RASSF9: variants seen among roughly 807,000 people sequenced by gnomAD.
RASSF9 encodes ras association domain-containing protein 9.
RASSF9 carries 18 observed loss-of-function variants against 21.4 expected under a neutral mutation model. The ratio of observed to expected loss-of-function variants is 0.84; its 90% CI spans 0.58 to 1.25. The LOEUF is 1.25. RASSF9 is among the 50% of genes most tolerant of loss of function. The pLI is 0.00. For synonymous variants in RASSF9, 183 were observed against 179.1 expected (o/e 1.02, Z -0.18); for missense variants, 480 against 503.2 (o/e 0.95, Z 0.44).
chr12:85,825,065 C>T (rs1436991121), intron 1 of RASSF9, among the ~76,000 whole-genome samples: 1 of 152,018 alleles, frequency 6.6e-6, no homozygotes, highest in East Asian at 1.9e-4. Flanking sequence ...TACAGTGGTG[C>T]GATCTCGGCT....
chr12:85,818,931 C>T (rs1041877057), intron 1 of RASSF9, among the ~76,000 whole-genome samples: 6 of 141,540 alleles, frequency 4.2e-5, no homozygotes, highest in African/African-American at 1.6e-4. Context: ...TATACTCCAG[C>T]CTGGGCGAGA....
rs1879729731 is a variant in RASSF9, at chr12:85,802,794, AAT to A, written c.*1906_*1907del. ...ATTTGATCCCCATTAGTGAACAATG[AAT>A]ATGTCAGTGGCTTATATTGTTGAAT... On this transcript the variant is annotated 3_prime_UTR_variant, in exon 2 of 2. Transcript: ENST00000361228. 1 of 152,206 alleles carries A rather than the reference AAT, an allele frequency of 6.6e-6. No individual in the cohort carries two copies. The highest frequency in any genetic ancestry group is 2.1e-4 in the South Asian group (1 of 4,830). The allele number at this position is 152,206 out of a possible 1,614,324, so 9.4% of individuals were successfully genotyped here.
Position 85,804,756 on chromosome 12 carries a change from G to T in RASSF9, c.1254C>A (p.Asn418Lys). 1 of 1,613,844 alleles carries T rather than the reference G, an allele frequency of 6.2e-7. No individual in the cohort carries two copies. Among genetic ancestry groups the T allele is most frequent in the Non-Finnish European group, 8.5e-7 (1 of 1,179,774 alleles). Residue 418 changes from asparagine to lysine, a missense_variant, in exon 2 of 2, where the codon AAC (asparagine) becomes AAA (lysine). Physicochemically the swap from Asn to Lys is moderately conservative, Grantham distance 94 (BLOSUM62 0). Coordinates refer to ENST00000361228, the MANE Select transcript of RASSF9 (RefSeq NM_005447.4). Reference protein sequence around the residue: ...DTDSDTGISSNHSQDSETTVG... With the variant: ...DTDSDTGISSKHSQDSETTVG... ...CTGTTGTTTCGGAGTCCTGACTGTG[G>T]TTAGAACTGATACCAGTGTCCGAGT... is the stretch of plus-strand genomic sequence containing the variant.
At chr12:85,826,620 TG>T (rs759931255) in intron 1 of RASSF9, among the ~76,000 whole-genome samples, 1 of 151,750 alleles carries the variant, frequency 6.6e-6, no homozygotes, top group Non-Finnish European at 1.5e-5. Flanking sequence ...GCTAATTTTT[TG>T]TATTTTTAGT....
chr12:85,833,306 T>G (rs1378698007), intron 1 of RASSF9, among the ~76,000 whole-genome samples: 1 of 151,912 alleles, frequency 6.6e-6, no homozygotes, highest in African/African-American at 2.4e-5. Flanking sequence ...ATAATTCAGT[T>G]TACAAAACTG....
chr12:85,834,179 T>C (rs1430604190), intron 1 of RASSF9, among the ~76,000 whole-genome samples: 1 of 152,022 alleles, frequency 6.6e-6, no homozygotes, highest in Non-Finnish European at 1.5e-5. Context: ...TGCTGTGGTT[T>C]AAATCTTTCT....
At chr12:85,824,700 A>AATGGC (rs1356630963) in intron 1 of RASSF9, among the ~76,000 whole-genome samples, 4 of 152,214 alleles carry the variant, frequency 2.6e-5, no homozygotes, top group Non-Finnish European at 5.9e-5. Context: ...ATTAATTAAT[A>AATGGC]TACACATTGA....
At chr12:85,825,026 G>A (rs1880300207) in intron 1 of RASSF9, among the ~76,000 whole-genome samples, 1 of 152,050 alleles carries the variant, frequency 6.6e-6, no homozygotes, top group South Asian at 2.1e-4. Context: ...ATTTATGAGA[G>A]GAAGTCTCAC....
intron 1 of RASSF9, among the ~76,000 whole-genome samples, chr12:85,833,994 TC>T (rs1880508172): frequency 6.6e-6 from 1 of 152,024 alleles, no homozygotes; most frequent in Admixed American, 6.6e-5. Context: ...GTAAACTTAA[TC>T]TTGCAAATAA....
chr12:85,816,330 G>T (rs1037350218), intron 1 of RASSF9, among the ~76,000 whole-genome samples: 1 of 151,462 alleles, frequency 6.6e-6, no homozygotes, highest in Non-Finnish European at 1.5e-5. Flanking sequence ...AAAAGCAATG[G>T]TTACTAATAT....
chr12:85,836,133 T>A lies in RASSF9; in HGVS notation c.47+22A>T, dbSNP rs1235934802. 3.2e-6 allele frequency: 5 copies of A among 1,551,068 alleles called. No homozygotes were observed. In the South Asian group the frequency reaches 6.0e-5, roughly 18 times the overall value. On this transcript the variant is annotated intron_variant, in intron 1 of 1. Transcript: ENST00000361228. ...CACACACACAGAGACACACACACAC[T>A]TACTCACACGCTTGACTTTACCTGT...
At position 85,834,532 on chromosome 12, in the gene RASSF9, C is replaced by T. The variant is rs535268717; in HGVS notation, c.47+1623G>A. Among the ~76,000 whole-genome samples the T allele has an allele frequency of 3.9e-5, 6 of 152,092 alleles. No individual in the cohort carries two copies. The South Asian group carries it at 8.3e-4, about 21-fold the overall frequency. ...CACTTCCCTGAGGGAAACTCAGGGG[C>T]GCATGCAAAGTTTTATTGCCCTGTA... On this transcript the variant is annotated intron_variant, in intron 1 of 1. Transcript: ENST00000361228.
chr12:85,818,940 G>T (rs1720448361), intron 1 of RASSF9, among the ~76,000 whole-genome samples: 1 of 125,512 alleles, frequency 8.0e-6, no homozygotes, highest in Admixed American at 9.7e-5. Flanking sequence ...GCCTGGGCGA[G>T]AGAGCGAGAC....
In RASSF9 at chr12:85,805,780, T is replaced by C. The variant is rs1238585076; in HGVS notation, c.230A>G (p.Tyr77Cys). Residue 77 changes from tyrosine to cysteine, a missense_variant, in exon 2 of 2, where the codon TAC becomes TGC. Tyr to Cys is a radical substitution (Grantham distance 194). Coordinates refer to ENST00000361228, the MANE Select transcript of RASSF9 (RefSeq NM_005447.4). Reference sequence around the variant, plus strand: ...GCCTCTCCACTTCTCTATGATGCAGTAATCACTGGGCTTCCCCAGAAGAAA... The same window carrying C: ...GCCTCTCCACTTCTCTATGATGCAGCAATCACTGGGCTTCCCCAGAAGAAA... The part of the protein sequence containing the change: ...KRFLLGKPSD[Y>C]CIIEKWRGSE... 4 of 1,613,870 alleles carry C rather than the reference T, an allele frequency of 2.5e-6. No homozygotes were observed. Among genetic ancestry groups the C allele is most frequent in the Non-Finnish European group, 3.4e-6 (4 of 1,179,884 alleles).
At chr12:85,816,453 T>C (rs964147695) in intron 1 of RASSF9, among the ~76,000 whole-genome samples, 1 of 152,054 alleles carries the variant, frequency 6.6e-6, no homozygotes, top group Non-Finnish European at 1.5e-5. Flanking sequence ...CACAGAGAAA[T>C]GGGGATTATC....
intron 1 of RASSF9, among the ~76,000 whole-genome samples, chr12:85,833,110 T>C (rs1418337359): frequency 6.6e-6 from 1 of 151,840 alleles, no homozygotes; most frequent in African/African-American, 2.4e-5. Flanking sequence ...AAAAAAATTA[T>C]GTAGTAGGAT....
chr12:85,813,901 T>C (rs1457790678), intron 1 of RASSF9, among the ~76,000 whole-genome samples: 1 of 152,056 alleles, frequency 6.6e-6, no homozygotes, highest in East Asian at 1.9e-4. Context: ...ATAGAACATA[T>C]GAAATAACTC....
chr12:85,804,626 A>T lies in RASSF9; in HGVS notation c.*76T>A. ...TATGATTTACATTTTTTTGAGTGTT[A>T]TATTTAAAATGAGGTTTCCTATTAA... On this transcript the variant is annotated 3_prime_UTR_variant, in exon 2 of 2. Coordinates refer to ENST00000361228, the MANE Select transcript of RASSF9 (RefSeq NM_005447.4). 2 of 1,342,524 alleles carry T rather than the reference A, an allele frequency of 1.5e-6. No individual in the cohort carries two copies. The highest frequency in any genetic ancestry group is 2.0e-6 in the Non-Finnish European group (2 of 993,028). The allele number at this position is 1,342,524 out of a possible 1,614,324, so 83.2% of individuals were successfully genotyped here.
chr12:85,831,126 A>C lies in RASSF9; in HGVS notation c.47+5029T>G, dbSNP rs569743324. ...ACTGGTATTCATATACACCTGCAAG[A>C]GGTAAACACATACCCTTACTTCAAC... On this transcript the variant is annotated intron_variant, in intron 1 of 1. Transcript: ENST00000361228. 3.9e-5 allele frequency among the ~76,000 whole-genome samples: 6 copies of C among 152,198 alleles called. No homozygotes were observed. The East Asian group carries it at 1.2e-3, about 29-fold the overall frequency.
Sources: allele counts gnomAD v4.1 joint callset (sites outside exome capture counted in the v4.1 genomes callset), GRCh38; gene constraint gnomAD v4.1.1; transcripts MANE v1.5; gene names NCBI Gene and HGNC (gene_info 2026-07-23, HGNC 2026-07-21).